The following ATP8B2 variants were observed in gnomAD, a reference collection of about 807,000 sequenced individuals.
ATP8B2 encodes the protein ATPase phospholipid transporting 8B2, also known as phospholipid-transporting ATPase ID.
A neutral mutation model predicts 133.4 loss-of-function variants in ATP8B2; 70 were observed. The ratio of observed to expected loss-of-function variants is 0.52; its 90% CI spans 0.43 to 0.64. ATP8B2 has a LOEUF of 0.64. Ranked by LOEUF, ATP8B2 falls within the 30% of genes least tolerant of loss-of-function variation. The pLI is 0.00. For synonymous variants in ATP8B2, 517 were observed against 589.5 expected (o/e 0.88, Z 1.78); for missense variants, 1,101 against 1,535.7 (o/e 0.72, Z 4.73).
rs377355963 is a variant in ATP8B2, at chr1:154,334,598, C to T, written c.837+7C>T. Reference sequence around the variant, plus strand: ...GAATACCCTGGTGCTCTGGGTGAGGCGCCCCACATCTGGCTCCCTGCCCCT... The same window carrying T: ...GAATACCCTGGTGCTCTGGGTGAGGTGCCCCACATCTGGCTCCCTGCCCCT... On this transcript the variant is annotated splice_region_variant and intron_variant, in intron 11 of 27. Coordinates refer to ENST00000368489, the MANE Select transcript of ATP8B2 (RefSeq NM_001370597.1). The surrounding 1 kb of genome is among the most constrained non-coding windows in gnomAD (Gnocchi z 4.6). 63 of 1,611,800 alleles carry T rather than the reference C, an allele frequency of 3.9e-5. No individual in the cohort carries two copies. The highest frequency in any genetic ancestry group is 4.6e-5 in the Non-Finnish European group (54 of 1,178,284).
intron 3 of ATP8B2, 54 bp downstream of exon 3, chr1:154,330,508 G>A: frequency 6.3e-7 from 1 of 1,586,238 alleles, no homozygotes; most frequent in Non-Finnish European, 8.6e-7. Flanking sequence ...GGGGAATGGG[G>A]CAAGGACAAC....
chr1:154,338,793 T>C (rs1686282971), intron 12 of ATP8B2: 1 of 152,178 alleles, frequency 6.6e-6, no homozygotes, highest in Non-Finnish European at 1.5e-5. Flanking sequence ...CAGTTTTCAC[T>C]GGAACCCCTC....
At chr1:154,341,365 G>C (rs1439107190) in intron 13 of ATP8B2, 1 of 415,790 alleles carries the variant, frequency 2.4e-6, no homozygotes, top group Non-Finnish European at 4.5e-6. Context: ...TGCACCTGTG[G>C]TCTCAGCTGG....
At position 154,328,829 on chromosome 1, in the gene ATP8B2, G is replaced by T; in HGVS notation, c.31+657G>T. ...GCGGTGTCCCCGAGCGCCGGCGGCCGGGAGGATGGCCTGGGCTGCGGGTGG... is the reference window on the plus strand; with the variant it reads ...GCGGTGTCCCCGAGCGCCGGCGGCCTGGAGGATGGCCTGGGCTGCGGGTGG... On this transcript the variant is annotated intron_variant, in intron 2 of 27. Transcript: ENST00000368489. This position sits in a 1 kb window ranked among gnomAD's most constrained non-coding sequence, Gnocchi z 4.6. The T allele has an allele frequency of 9.6e-7, 1 of 1,041,046 alleles. No individual in the cohort carries two copies. Among genetic ancestry groups the T allele is most frequent in the South Asian group, 3.1e-5 (1 of 32,188 alleles). The allele number at this position is 1,041,046 out of a possible 1,614,324, so 64.5% of individuals were successfully genotyped here.
In ATP8B2 at chr1:154,344,460, G is replaced by A; in HGVS notation, c.2101G>A (p.Val701Ile). The change falls in exon 20 of 28, where the codon GTC becomes ATC. Residue 701 changes from valine to isoleucine, a missense_variant. Physicochemically the swap from Val to Ile is conservative, Grantham distance 29. Coordinates refer to ENST00000368489, the MANE Select transcript of ATP8B2 (RefSeq NM_001370597.1). This position sits in a 1 kb window ranked among gnomAD's most constrained non-coding sequence, Gnocchi z 4.1. ...GGATGACATGACTGAGGTTTTCATA[G>A]TCACTGGCCATACTGTCCTGGAGGT... The part of the protein sequence containing the change: ...LTDDMTEVFI[V>I]TGHTVLEVRE... 3 of 1,614,210 alleles carry A rather than the reference G, an allele frequency of 1.9e-6. No homozygotes were observed. Among genetic ancestry groups the A allele is most frequent in the Non-Finnish European group, 2.5e-6 (3 of 1,180,030 alleles).
At chr1:154,327,835 A>T in intron 1 of ATP8B2, 1 of 1,613,746 alleles carries the variant, frequency 6.2e-7, no homozygotes. Flanking sequence ...TTTTTTCAAT[A>T]TCTGGCCTCT....
Position 154,331,645 on chromosome 1 carries a change from T to C in ATP8B2, c.405T>C (p.Asp135=), listed in dbSNP as rs763828538. Residue 135 remains aspartate (D), a synonymous_variant, in exon 7 of 28, where the codon GAT becomes GAC. Coordinates refer to ENST00000368489, the MANE Select transcript of ATP8B2 (RefSeq NM_001370597.1). The surrounding 1 kb of genome is among the most constrained non-coding windows in gnomAD (Gnocchi z 4.8). The stretch of plus-strand genomic sequence containing the variant: ...AGTGGATGAATGTCTGTGTTGGTGA[T>C]ATTATCAAGCTAGAAAATAACCAGT... The part of the protein sequence containing the change: ...QEQWMNVCVG[D]IIKLENNQFV... 1 of 1,614,238 alleles carries C rather than the reference T, an allele frequency of 6.2e-7. No individual in the cohort carries two copies. Among genetic ancestry groups the C allele is most frequent in the East Asian group, 2.2e-5 (1 of 44,886 alleles).
chr1:154,335,992 A>C (rs1419329914), intron 11 of ATP8B2, among the ~76,000 whole-genome samples: 1 of 141,004 alleles, frequency 7.1e-6, no homozygotes. Context: ...CAGTGAGCCG[A>C]GGTCGCGCCA....
At chr1:154,342,451 G>C in intron 13 of ATP8B2, 29 bp from the exon 14 acceptor site, 1 of 1,611,886 alleles carries the variant, frequency 6.2e-7, no homozygotes, top group Non-Finnish European at 8.5e-7. Context: ...CTCTGACATT[G>C]CTTCTTTTTC....
At chr1:154,326,466 A>T (rs1194300982) in intron 1 of ATP8B2, among the ~76,000 whole-genome samples, 1 of 152,014 alleles carries the variant, frequency 6.6e-6, no homozygotes. Flanking sequence ...GGGCTGGGTG[A>T]CGGGGCAGGG....
At chr1:154,342,602 G>A in intron 14 of ATP8B2, 79 bp downstream of exon 14, 2 of 1,512,092 alleles carry the variant, frequency 1.3e-6, no homozygotes, top group Non-Finnish European at 1.8e-6. Flanking sequence ...GGAGTGATGT[G>A]TTGTCTGGAT....
Position 154,337,455 on chromosome 1 carries a change from A to G in ATP8B2, c.945A>G (p.Ala315=). 6.2e-7 allele frequency: 1 copy of G among 1,614,188 alleles called. No homozygotes were observed. Among genetic ancestry groups the G allele is most frequent in the African/African-American group, 1.3e-5 (1 of 75,038 alleles). The change falls in exon 12 of 28, where the codon GCA becomes GCG. Residue 315 remains alanine, a synonymous_variant. Coordinates refer to ENST00000368489, the MANE Select transcript of ATP8B2 (RefSeq NM_001370597.1). ...RFQVYLPWDE[A]VDSAFFSGFL... Reference sequence around the variant, plus strand: ...AGGTCTACCTGCCGTGGGATGAGGCAGTGGACAGTGCCTTCTTCTCTGGCT... The same window carrying G: ...AGGTCTACCTGCCGTGGGATGAGGCGGTGGACAGTGCCTTCTTCTCTGGCT...
At position 154,328,875 on chromosome 1, in the gene ATP8B2, G is replaced by A; in HGVS notation, c.31+703G>A. 8.3e-7 allele frequency: 1 copy of A among 1,201,642 alleles called. No homozygotes were observed. Among genetic ancestry groups the A allele is most frequent in the Non-Finnish European group, 1.1e-6 (1 of 942,698 alleles). The allele number at this position is 1,201,642 out of a possible 1,614,324, so 74.4% of individuals were successfully genotyped here. On this transcript the variant is annotated intron_variant, in intron 2 of 27. Transcript: ENST00000368489. This position sits in a 1 kb window ranked among gnomAD's most constrained non-coding sequence, Gnocchi z 4.6. The stretch of plus-strand genomic sequence containing the variant: ...GGTGGGGCGCGCGCCCGACGGCTGG[G>A]GCTCCCCTCTGAGCGGCTGCGGCTC...
At chr1:154,348,568 G>A in intron 27 of ATP8B2, 30 bp downstream of exon 27, 18 of 1,608,890 alleles carry the variant, frequency 1.1e-5, no homozygotes, top group Non-Finnish European at 1.4e-5. Context: ...GCTGTGGGAG[G>A]CAGAGATGGG....
chr1:154,346,676 C>T lies in ATP8B2; in HGVS notation c.3081C>T (p.Ser1027=). 4 of 1,614,186 alleles carry T rather than the reference C, an allele frequency of 2.5e-6. No individual in the cohort carries two copies. Among genetic ancestry groups the T allele is most frequent in the South Asian group, 2.2e-5 (2 of 91,088 alleles). The change falls in exon 26 of 28, where the codon AGC becomes AGT. Residue 1027 remains serine (S), a synonymous_variant. Coordinates refer to ENST00000368489, the MANE Select transcript of ATP8B2 (RefSeq NM_001370597.1). This position sits in a 1 kb window ranked among gnomAD's most constrained non-coding sequence, Gnocchi z 4.5. ...TAINHFFIWG[S]LAVYFAILFA... is the part of the protein sequence containing the mutation. Reference sequence around the variant, plus strand: ...TCAACCACTTCTTCATCTGGGGAAGCCTTGCTGTTTACTTTGCCATCCTCT... The same window carrying T: ...TCAACCACTTCTTCATCTGGGGAAGTCTTGCTGTTTACTTTGCCATCCTCT...
chr1:154,328,885 TG>T lies in ATP8B2; in HGVS notation c.31+714del. On this transcript the variant is annotated intron_variant, in intron 2 of 27. Coordinates refer to ENST00000368489, the MANE Select transcript of ATP8B2 (RefSeq NM_001370597.1). The surrounding 1 kb of genome is among the most constrained non-coding windows in gnomAD (Gnocchi z 4.6). ...GCGCCCGACGGCTGGGGCTCCCCTC[TG>T]AGCGGCTGCGGCTCCTGCACCTCCC... 7.9e-7 allele frequency: 1 copy of T among 1,260,280 alleles called. No individual in the cohort carries two copies. The highest frequency in any genetic ancestry group is 1.0e-6 in the Non-Finnish European group (1 of 970,146). The allele number at this position is 1,260,280 out of a possible 1,614,324, so 78.1% of individuals were successfully genotyped here. A position where few individuals can be genotyped will look rare whatever the true frequency, so the allele number is the denominator to read the frequency against.
Position 154,344,722 on chromosome 1 carries a change from G to A in ATP8B2, c.2223G>A (p.Lys741=). 8 of 1,611,804 alleles carry A rather than the reference G, an allele frequency of 5.0e-6. No homozygotes were observed. Among genetic ancestry groups the A allele is most frequent in the Non-Finnish European group, 6.8e-6 (8 of 1,178,064 alleles). ...FTYQDKLSSS[K]LTSVLEAVAG... ...ATCAGGACAAGCTTTCTTCTTCCAA[G>A]CTAACTTCTGTCCTGGAGGCCGTTG... The change falls in exon 21 of 28, where the codon AAG becomes AAA. Residue 741 remains lysine (K), a synonymous_variant. Coordinates refer to ENST00000368489, the MANE Select transcript of ATP8B2 (RefSeq NM_001370597.1). The surrounding 1 kb of genome is among the most constrained non-coding windows in gnomAD (Gnocchi z 4.1).
rs1036717293 is a variant in ATP8B2, at chr1:154,346,340, A to G, written c.2888A>G (p.Tyr963Cys). The change falls in exon 25 of 28, where the codon TAC becomes TGC. Residue 963 changes from tyrosine to cysteine, a missense_variant. Coordinates refer to ENST00000368489, the MANE Select transcript of ATP8B2 (RefSeq NM_001370597.1). This position sits in a 1 kb window ranked among gnomAD's most constrained non-coding sequence, Gnocchi z 4.5. Reference protein sequence around the residue: ...EFFICIAQGIYTSVLMFFIPY... With the variant: ...EFFICIAQGICTSVLMFFIPY... Reference sequence around the variant, plus strand: ...TTCATCTGCATCGCCCAGGGCATCTACACCTCCGTGCTCATGTTCTTCATT... The same window carrying G: ...TTCATCTGCATCGCCCAGGGCATCTGCACCTCCGTGCTCATGTTCTTCATT... 6.2e-7 allele frequency: 1 copy of G among 1,614,108 alleles called. No homozygotes were observed. The highest frequency in any genetic ancestry group is 8.5e-7 in the Non-Finnish European group (1 of 1,180,020).
chr1:154,349,214 T>G lies in ATP8B2; in HGVS notation c.*96T>G. On this transcript the variant is annotated 3_prime_UTR_variant, in exon 28 of 28. Coordinates refer to ENST00000368489, the MANE Select transcript of ATP8B2 (RefSeq NM_001370597.1). Reference sequence around the variant, plus strand: ...TCTCGGAACTGCTGGTCCTCATTCCTTGCTTCCCGTCCCCCCGGTAGACTC... The same window carrying G: ...TCTCGGAACTGCTGGTCCTCATTCCGTGCTTCCCGTCCCCCCGGTAGACTC... 1 of 1,442,872 alleles carries G rather than the reference T, an allele frequency of 6.9e-7. No individual in the cohort carries two copies. Among genetic ancestry groups the G allele is most frequent in the African/African-American group, 1.4e-5 (1 of 70,912 alleles). 89.4% of individuals were successfully genotyped at this position (1,442,872 alleles called of 1,614,324 possible).
Sources: allele counts gnomAD v4.1 joint callset (sites outside exome capture counted in the v4.1 genomes callset), GRCh38; gene constraint gnomAD v4.1.1; non-coding constraint Gnocchi (gnomAD v3.1); transcripts MANE v1.5; gene names NCBI Gene and HGNC (gene_info 2026-07-23, HGNC 2026-07-21).